Variants in ACYP2 observed in about 807,000 individuals in gnomAD.
The protein encoded by ACYP2 is acylphosphatase-2.
A neutral mutation model predicts 11.2 loss-of-function variants in ACYP2; 12 were observed. The observed-to-expected ratio is 1.08, with a 90% CI of 0.69 to 1.74. The LOEUF is 1.74. ACYP2 is among the 40% of genes most tolerant of loss of function. ACYP2 has a pLI of 0.00. For missense variants in ACYP2, 134 were observed against 101.9 expected, an observed-to-expected ratio of 1.31 and a Z score of -1.35; for synonymous variants, 43 against 32.2, an observed-to-expected ratio of 1.33 and a Z score of -1.13.
At chr2:54,081,967 C>T (rs1677679026) in intron 4 of ACYP2, among the ~76,000 whole-genome samples, 1 of 152,156 alleles carries the variant, frequency 6.6e-6, no homozygotes, top group East Asian at 1.9e-4. Flanking sequence ...CTTCAGAGGG[C>T]AGTCATAATT....
chr2:54,226,954 A>G (rs1019565675), intron 6 of ACYP2, among the ~76,000 whole-genome samples: 2 of 152,218 alleles, frequency 1.3e-5, no homozygotes, highest in African/African-American at 4.8e-5. Flanking sequence ...ATTTTAATCA[A>G]CACATTTGGC....
chr2:54,237,531 G>C (rs1214687365), intron 6 of ACYP2, among the ~76,000 whole-genome samples: 2 of 152,122 alleles, frequency 1.3e-5, no homozygotes, highest in East Asian at 3.9e-4. Flanking sequence ...TTTACTGGTA[G>C]AGAATTTTAG....
At chr2:54,095,320 A>G (rs1678464797) in intron 4 of ACYP2, among the ~76,000 whole-genome samples, 2 of 152,322 alleles carry the variant, frequency 1.3e-5, no homozygotes, top group South Asian at 2.1e-4. Context: ...CGATTTCTCA[A>G]TCTTTTCCCC....
intron 6 of ACYP2, among the ~76,000 whole-genome samples, chr2:54,244,175 C>G (rs1050708601): frequency 6.6e-6 from 1 of 151,896 alleles, no homozygotes; most frequent in Admixed American, 6.6e-5. Flanking sequence ...TCGTCTTTTC[C>G]TCACTGATTT....
intron 6 of ACYP2, among the ~76,000 whole-genome samples, chr2:54,167,531 A>G (rs1406337365): frequency 6.6e-6 from 1 of 152,216 alleles, no homozygotes; most frequent in Non-Finnish European, 1.5e-5. Context: ...TGTTATATAG[A>G]TACAGATTTT....
intron 6 of ACYP2, among the ~76,000 whole-genome samples, chr2:54,208,591 C>G (rs532431917): frequency 6.6e-5 from 10 of 152,070 alleles, no homozygotes; most frequent in African/African-American, 2.4e-4. Context: ...TTTCTTAGCT[C>G]CAAAGGCCTC....
intron 6 of ACYP2, among the ~76,000 whole-genome samples, chr2:54,197,942 A>ATGTTG (rs1354658076): frequency 1.4e-5 from 1 of 69,514 alleles, no homozygotes; most frequent in Non-Finnish European, 3.3e-5. Flanking sequence ...TGTATGTATT[A>ATGTTG]TATTGTATTG....
Position 54,004,940 on chromosome 2 carries a change from C to T in ACYP2, c.62+31130C>T, listed in dbSNP as rs116305931. The stretch of plus-strand genomic sequence containing the variant: ...ACAAAAGAAAGAAAAGAAAAGAGCT[C>T]TTTGTATATTTTTGATAACAGTCTA... On this transcript the variant is annotated intron_variant, in intron 2 of 6. Coordinates refer to ENST00000607452, the MANE Select transcript of ACYP2 (RefSeq NM_001320586.2). Among the ~76,000 whole-genome samples, 1,494 of 150,304 alleles carry T rather than the reference C, an allele frequency of 9.9e-3. 26 individuals carry two copies. Among genetic ancestry groups the T allele is most frequent in the African/African-American group, 0.035 (1,432 of 41,008 alleles).
Position 53,987,358 on chromosome 2 carries a change from T to TA in ACYP2, c.62+13563dup, listed in dbSNP as rs758401897. Among the ~76,000 whole-genome samples the TA allele has an allele frequency of 7.4e-3, 1,023 of 137,442 alleles. 9 individuals are homozygous for TA. Among genetic ancestry groups the TA allele is most frequent in the African/African-American group, 0.02 (735 of 37,272 alleles). 90.2% of individuals were successfully genotyped at this position (137,442 alleles called of 152,430 possible). On this transcript the variant is annotated intron_variant, in intron 2 of 6. Coordinates refer to ENST00000607452, the MANE Select transcript of ACYP2 (RefSeq NM_001320586.2). Reference sequence around the variant, plus strand: ...ATGCTTTTATGTATGTATACAAAGTTAAAAAAAAAAAAAAAGGAAGCAGTT... The same window carrying TA: ...ATGCTTTTATGTATGTATACAAAGTTAAAAAAAAAAAAAAAAGGAAGCAGTT...
At chr2:54,006,559 G>T (rs766144170) in intron 2 of ACYP2, among the ~76,000 whole-genome samples, 7 of 152,138 alleles carry the variant, frequency 4.6e-5, no homozygotes, top group Admixed American at 1.3e-4. Flanking sequence ...AAAGTGCTGA[G>T]ATTACAAGTG....
intron 2 of ACYP2, among the ~76,000 whole-genome samples, chr2:53,976,523 G>C (rs571337349): frequency 3.7e-4 from 57 of 152,240 alleles, no homozygotes; most frequent in African/African-American, 1.3e-3. Flanking sequence ...GTAATCTTTA[G>C]AAGTATTTGA....
intron 4 of ACYP2, among the ~76,000 whole-genome samples, chr2:54,114,899 T>C (rs1029297125): frequency 6.6e-6 from 1 of 152,214 alleles, no homozygotes; most frequent in African/African-American, 2.4e-5. Context: ...GCAGACCTTA[T>C]CTTAAAAGCT....
intron 2 of ACYP2, among the ~76,000 whole-genome samples, chr2:53,992,732 G>A (rs1395491213): frequency 6.6e-6 from 1 of 151,540 alleles, no homozygotes; most frequent in Non-Finnish European, 1.5e-5. Flanking sequence ...TTGGGAGGCT[G>A]TGGCAGGATA....
chr2:53,993,700 TG>T (rs1672418677), intron 2 of ACYP2, among the ~76,000 whole-genome samples: 1 of 144,556 alleles, frequency 6.9e-6, no homozygotes, highest in East Asian at 2.0e-4. Context: ...AAAAAAAGGA[TG>T]AAAAAAAAAA....
At chr2:54,273,236 A>G (rs539530479) in intron 6 of ACYP2, among the ~76,000 whole-genome samples, 99 of 152,356 alleles carry the variant, frequency 6.5e-4, no homozygotes, top group Non-Finnish European at 8.5e-4. Context: ...TGGGTATGCA[A>G]TGGGAAACTA....
At chr2:53,980,763 T>C (rs777980596) in intron 2 of ACYP2, among the ~76,000 whole-genome samples, 4 of 151,944 alleles carry the variant, frequency 2.6e-5, no homozygotes, top group Non-Finnish European at 4.4e-5. Flanking sequence ...TTTTTTTTTT[T>C]TCTTTTTAGA....
intron 4 of ACYP2, among the ~76,000 whole-genome samples, chr2:54,119,775 TTCAAGG>T (rs1680037717): frequency 6.6e-6 from 1 of 152,238 alleles, no homozygotes; most frequent in Admixed American, 6.5e-5. Context: ...CCTTACTTTT[TTCAAGG>T]TTTCCTTAGT....
chr2:54,287,964 T>C (rs1689148675), intron 6 of ACYP2, among the ~76,000 whole-genome samples: 1 of 151,968 alleles, frequency 6.6e-6, no homozygotes, highest in East Asian at 1.9e-4. Context: ...GCTTGCTTGA[T>C]TGTCTTGGAG....
chr2:54,057,216 G>C, intron 3 of ACYP2: 1 of 397,332 alleles, frequency 2.5e-6, no homozygotes, highest in Non-Finnish European at 4.4e-6. Flanking sequence ...TTTTCTTACT[G>C]TTCTCACATA....
Sources: gnomAD v4.1 joint callset for allele counts (sites outside exome capture counted in the v4.1 genomes callset) on GRCh38, gnomAD v4.1.1 for gene constraint, MANE v1.5 for transcripts, NCBI Gene and HGNC (gene_info 2026-07-23, HGNC 2026-07-21) for gene names.